The following RORA variants were observed in gnomAD, a reference collection of about 807,000 sequenced individuals.
RORA encodes the protein nuclear receptor ROR-alpha.
A neutral mutation model predicts 69.5 loss-of-function variants in RORA; 7 were observed. The observed-to-expected ratio is 0.10, with a 90% CI of 0.06 to 0.19. The LOEUF (loss-of-function observed/expected upper bound fraction) is 0.19, where lower values mean the gene tolerates loss of function less well. Ranked by LOEUF, RORA falls within the 10% of genes least tolerant of loss-of-function variation. RORA has a pLI of 1.00. For missense variants in RORA, 457 were observed against 663.0 expected (o/e 0.69, Z 3.41); for synonymous variants, 261 against 240.8 (o/e 1.08, Z -0.78).
At chr15:61,126,814 C>T (rs2079146656) in intron 1 of RORA, among the ~76,000 whole-genome samples, 1 of 152,210 alleles carries the variant, frequency 6.6e-6, no homozygotes, top group Non-Finnish European at 1.5e-5. Flanking sequence ...ACGCTCTCTC[C>T]ACCATTCCAT....
chr15:60,881,114 C>T (rs1358326505), intron 1 of RORA, among the ~76,000 whole-genome samples: 9 of 152,252 alleles, frequency 5.9e-5, no homozygotes, highest in African/African-American at 1.7e-4. Flanking sequence ...AGTCTTATGA[C>T]TCCAAACTTC....
intron 2 of RORA, among the ~76,000 whole-genome samples, chr15:60,549,796 C>A (rs1420808787): frequency 6.6e-6 from 1 of 152,082 alleles, no homozygotes; most frequent in Non-Finnish European, 1.5e-5. Flanking sequence ...TCATATTTTA[C>A]TATGTGTATT....
At chr15:60,975,929 G>A (rs1167003229) in intron 1 of RORA, among the ~76,000 whole-genome samples, 1 of 152,184 alleles carries the variant, frequency 6.6e-6, no homozygotes, top group Admixed American at 6.5e-5. Flanking sequence ...CATTTTGTGA[G>A]GTTTTCTTGG....
intron 1 of RORA, among the ~76,000 whole-genome samples, chr15:60,948,273 A>G (rs1892963767): frequency 6.6e-6 from 1 of 152,170 alleles, no homozygotes; most frequent in Non-Finnish European, 1.5e-5. Context: ...GGTGTTAAAG[A>G]AGAAAAATAA....
chr15:60,934,686 A>T (rs28374150), intron 1 of RORA, among the ~76,000 whole-genome samples: 42,781 of 152,056 alleles, frequency 0.28, 6,391 homozygotes, highest in Non-Finnish European at 0.33. Flanking sequence ...GGTGATGCTG[A>T]TGTTGCCTGT....
At chr15:61,146,848 C>G (rs2079354249) in intron 1 of RORA, among the ~76,000 whole-genome samples, 1 of 152,186 alleles carries the variant, frequency 6.6e-6, no homozygotes, top group African/African-American at 2.4e-5. Flanking sequence ...ATTGGTTAGA[C>G]ACCCAAGCGG....
Position 60,733,914 on chromosome 15 carries a change from CAGAGAGAGAGAGAGAG to C in RORA, c.167-55244_167-55229del, listed in dbSNP as rs58672002. 2.7e-4 allele frequency among the ~76,000 whole-genome samples: 27 copies of C among 101,476 alleles called. No homozygotes were observed. In the East Asian group the frequency reaches 4.3e-3, roughly 16 times the overall value. The allele number at this position is 101,476 out of a possible 152,430, so 66.6% of individuals were successfully genotyped here. A position where few individuals can be genotyped will look rare whatever the true frequency, so the allele number is the denominator to read the frequency against. On this transcript the variant is annotated intron_variant, in intron 1 of 10. Coordinates refer to ENST00000335670, the MANE Select transcript of RORA (RefSeq NM_134261.3). Reference sequence around the variant, plus strand: ...CACAGGTGAGCGGTTAGAATAGGGGCAGAGAGAGAGAGAGAGAGAGAGAGAGAGAGAGAGAGAGAGA... The same window carrying C: ...CACAGGTGAGCGGTTAGAATAGGGGCAGAGAGAGAGAGAGAGAGAGAGAGA...
At chr15:60,879,546 C>G (rs1301485961) in intron 1 of RORA, among the ~76,000 whole-genome samples, 1 of 152,088 alleles carries the variant, frequency 6.6e-6, no homozygotes, top group Non-Finnish European at 1.5e-5. Flanking sequence ...TAAATGCAAC[C>G]TGATAATCAT....
chr15:60,704,014 T>G (rs1370687160), intron 1 of RORA, among the ~76,000 whole-genome samples: 2 of 152,240 alleles, frequency 1.3e-5, no homozygotes, highest in Non-Finnish European at 2.9e-5. Context: ...TGTTTTACTT[T>G]TATGACGGGT....
chr15:60,966,281 T>C (rs1163301965), intron 1 of RORA, among the ~76,000 whole-genome samples: 1 of 152,198 alleles, frequency 6.6e-6, no homozygotes, highest in African/African-American at 2.4e-5. Flanking sequence ...GGTCACATGC[T>C]GAGTATGGGG....
intron 1 of RORA, among the ~76,000 whole-genome samples, chr15:60,890,991 G>A (rs147208396): frequency 5.9e-5 from 9 of 152,184 alleles, no homozygotes; most frequent in Admixed American, 1.3e-4. Context: ...ACAAGGAGGC[G>A]GTTGAATAGG....
At chr15:61,207,472 G>A (rs943098701) in intron 1 of RORA, among the ~76,000 whole-genome samples, 2 of 152,202 alleles carry the variant, frequency 1.3e-5, no homozygotes, top group African/African-American at 2.4e-5. Flanking sequence ...AAATGGAAGT[G>A]CACATCGTGG....
chr15:60,957,461 T>A (rs1191801359), intron 1 of RORA, among the ~76,000 whole-genome samples: 2 of 152,206 alleles, frequency 1.3e-5, no homozygotes, highest in African/African-American at 4.8e-5. Context: ...AACACGTACC[T>A]CCTCAAACAC....
chr15:61,165,973 G>A (rs1156295836), intron 1 of RORA, among the ~76,000 whole-genome samples: 1 of 152,202 alleles, frequency 6.6e-6, no homozygotes, highest in Non-Finnish European at 1.5e-5. Flanking sequence ...ATAGACCTAA[G>A]TGGCAGAAGT....
Position 61,013,844 on chromosome 15 carries a change from C to T in RORA, c.166+215209G>A, listed in dbSNP as rs113605545. 4.4e-3 allele frequency among the ~76,000 whole-genome samples: 569 copies of T among 129,600 alleles called. 5 individuals carry two copies. The highest frequency in any genetic ancestry group is 0.015 in the African/African-American group (504 of 33,806). The allele number at this position is 129,600 out of a possible 152,430, so 85.0% of individuals were successfully genotyped here. On this transcript the variant is annotated intron_variant, in intron 1 of 10. Transcript: ENST00000335670. The stretch of plus-strand genomic sequence containing the variant: ...GGTTGCCCAGGCTGGAGTGCAGTGG[C>T]GCAATTTCGGCTCACTGCAAGCTCT...
chr15:61,019,069 TC>T (rs1293692161), intron 1 of RORA, among the ~76,000 whole-genome samples: 2 of 152,196 alleles, frequency 1.3e-5, no homozygotes, highest in Non-Finnish European at 2.9e-5. Flanking sequence ...TCTGCTAAGA[TC>T]CCCAAATGCT....
chr15:60,707,643 G>A lies in RORA; in HGVS notation c.167-28957C>T, dbSNP rs188931568. 5.3e-4 allele frequency among the ~76,000 whole-genome samples: 81 copies of A among 152,276 alleles called. 2 individuals carry two copies. In the East Asian group the frequency reaches 0.012, roughly 22 times the overall value. On this transcript the variant is annotated intron_variant, in intron 1 of 10. Coordinates refer to ENST00000335670, the MANE Select transcript of RORA (RefSeq NM_134261.3). ...CTCCCAAAGTGCTGGGATTACAGGC[G>A]TGAGCCACCGCACCTGGCCCACGGT...
intron 1 of RORA, among the ~76,000 whole-genome samples, chr15:61,122,521 C>T (rs974629506): frequency 1.8e-4 from 28 of 152,262 alleles, no homozygotes; most frequent in African/African-American, 6.7e-4. Context: ...CTAGTAAAGC[C>T]GTAATTTACA....
At chr15:60,818,259 T>A (rs183323100) in intron 1 of RORA, among the ~76,000 whole-genome samples, 1 of 152,312 alleles carries the variant, frequency 6.6e-6, no homozygotes, top group East Asian at 1.9e-4. Context: ...TGTGCCAACC[T>A]AATAATAATA....
Sources: gnomAD v4.1 joint callset for allele counts (sites outside exome capture counted in the v4.1 genomes callset) on GRCh38, gnomAD v4.1.1 for gene constraint, MANE v1.5 for transcripts, NCBI Gene and HGNC (gene_info 2026-07-23, HGNC 2026-07-21) for gene names.